KPTN: variants seen among roughly 807,000 people sequenced by gnomAD.
KPTN encodes kaptin, actin binding protein.
KPTN carries 36 observed loss-of-function variants against 52.6 expected under a neutral mutation model. The observed-to-expected ratio is 0.68, with a 90% CI of 0.52 to 0.90. The LOEUF (loss-of-function observed/expected upper bound fraction) is 0.90, where lower values mean the gene tolerates loss of function less well. KPTN is among the 40% of genes least tolerant of loss of function. The probability of loss-of-function intolerance (pLI) is 0.00; values close to 1 mark genes in which losing one functional copy is unlikely to be tolerated. For missense variants in KPTN, 529 were observed against 576.2 expected (o/e 0.92, Z 0.84); for synonymous variants, 271 against 248.4 (o/e 1.09, Z -0.85).
Position 47,483,370 on chromosome 19 carries a change from C to A in KPTN, c.319G>T (p.Asp107Tyr). The A allele has an allele frequency of 6.2e-7, 1 of 1,613,932 alleles. No individual in the cohort carries two copies. The highest frequency in any genetic ancestry group is 1.7e-5 in the Admixed American group (1 of 60,018). ...ATGTTCAGGAAGGGGCTGCCCTTGT[C>A]CCCTGAATCCTGGCGGAGGACACGG... The part of the protein sequence containing the change: ...VGITFIKDSG[D>Y]KGSPFLNIYC... The change falls in exon 3 of 12, where the codon GAC (aspartate) becomes TAC (tyrosine). Residue 107 changes from aspartate to tyrosine, a missense_variant. Physicochemically the swap from Asp to Tyr is radical, Grantham distance 160. Coordinates refer to ENST00000338134, the MANE Select transcript of KPTN (RefSeq NM_007059.4).
intron 9 of KPTN, 42 bp downstream of exon 9, chr19:47,477,664 A>G (rs1285019067): frequency 6.8e-7 from 1 of 1,468,774 alleles, no homozygotes; most frequent in East Asian, 2.3e-5. Flanking sequence ...CAGTGCAAAG[A>G]AAGAAGGTTA....
Position 47,484,053 on chromosome 19 carries a change from G to A in KPTN, c.108C>T (p.Gly36=), listed in dbSNP as rs1967987562. The A allele has an allele frequency of 6.2e-7, 1 of 1,610,646 alleles. No individual in the cohort carries two copies. Among genetic ancestry groups the A allele is most frequent in the Non-Finnish European group, 8.5e-7 (1 of 1,179,728 alleles). ...SNVYGLAGGA[G]GRGELLAATL... ...TGGCGGCCAGCAGCTCCCCGCGCCC[G>A]CCGGCGCCGCCTGCCAGCCCGTACA... The change falls in exon 1 of 12, where the codon GGC becomes GGT. Residue 36 remains glycine (G), a synonymous_variant. Transcript: ENST00000338134.
intron 9 of KPTN, 126 bp downstream of exon 9, chr19:47,477,580 G>C: frequency 3.1e-6 from 2 of 648,016 alleles, no homozygotes; most frequent in African/African-American, 1.8e-5. Context: ...CCTGGGTCAC[G>C]AGTATCTGTA....
chr19:47,484,080 A>G lies in KPTN; in HGVS notation c.81T>C (p.Asn27=). 1.2e-6 allele frequency: 2 copies of G among 1,609,312 alleles called. No individual in the cohort carries two copies. The highest frequency in any genetic ancestry group is 1.7e-6 in the Non-Finnish European group (2 of 1,179,800). The change falls in exon 1 of 12, where the codon AAT becomes AAC. Residue 27 remains asparagine (N), a synonymous_variant. Transcript: ENST00000338134. Reference sequence around the variant, plus strand: ...CGGCGCCGCCTGCCAGCCCGTACACATTGCTCTGCGACGAGAAGCGCGTGA... The same window carrying G: ...CGGCGCCGCCTGCCAGCCCGTACACGTTGCTCTGCGACGAGAAGCGCGTGA... The part of the protein sequence containing the change: ...DSFTRFSSQS[N]VYGLAGGAGG...
intron 4 of KPTN, among the ~76,000 whole-genome samples, chr19:47,482,903 C>T (rs978976544): frequency 2.6e-5 from 4 of 152,134 alleles, no homozygotes; most frequent in African/African-American, 7.2e-5. Flanking sequence ...GACGGGGTTT[C>T]GCCATGTTGG....
intron 4 of KPTN, chr19:47,481,508 T>A (rs1967877775): frequency 6.4e-6 from 1 of 156,936 alleles, no homozygotes; most frequent in South Asian, 1.9e-4. Flanking sequence ...ATTCACGGAA[T>A]GATAGAATAT....
intron 9 of KPTN, 86 bp from the exon 10 acceptor site, chr19:47,477,024 T>C: frequency 1.4e-6 from 2 of 1,389,502 alleles, no homozygotes; most frequent in Non-Finnish European, 2.0e-6. Context: ...GTACCGGTAC[T>C]GCTTCCCTTC....
Position 47,481,370 on chromosome 19 carries a change from C to G in KPTN, c.450-337G>C, listed in dbSNP as rs116327198. Among the ~76,000 whole-genome samples the G allele has an allele frequency of 1.4e-3, 219 of 152,306 alleles. 2 individuals are homozygous for G. Among genetic ancestry groups the G allele is most frequent in the African/African-American group, 4.9e-3 (205 of 41,564 alleles). On this transcript the variant is annotated intron_variant, in intron 4 of 11. Transcript: ENST00000338134. ...GGATTCAGGAATCGAATGTGGAACT[C>G]TAGAATGAACTGCAGAACCTTAGAA...
At chr19:47,484,388 G>A (rs886998449), upstream of KPTN, 8 of 586,550 alleles carry the variant, frequency 1.4e-5, no homozygotes, top group East Asian at 2.3e-4. Flanking sequence ...TTCCATTTCT[G>A]GACCAAGGGG....
chr19:47,479,949 A>G lies in KPTN; in HGVS notation c.710-9T>C. 6.2e-7 allele frequency: 1 copy of G among 1,608,266 alleles called. No individual in the cohort carries two copies. Among genetic ancestry groups the G allele is most frequent in the South Asian group, 1.1e-5 (1 of 90,512 alleles). ...CCACATCTGCAGAACCTCTGCGTGG[A>G]GAGCGAGGATTCAGAGCCCCAACCC... On this transcript the variant is annotated splice_polypyrimidine_tract_variant and intron_variant, in intron 7 of 11. Transcript: ENST00000338134.
In KPTN at chr19:47,484,039, A is replaced by G; in HGVS notation, c.122T>C (p.Leu41Pro). Residue 41 changes from leucine to proline, a missense_variant, in exon 1 of 12, where the codon CTG becomes CCG. Coordinates refer to ENST00000338134, the MANE Select transcript of KPTN (RefSeq NM_007059.4). ...CTTGCCTTTAAGGGTGGCGGCCAGC[A>G]GCTCCCCGCGCCCGCCGGCGCCGCC... The part of the protein sequence containing the change: ...LAGGAGGRGE[L>P]LAATLKGKVL... The G allele has an allele frequency of 6.2e-7, 1 of 1,611,654 alleles. No homozygotes were observed. The highest frequency in any genetic ancestry group is 8.5e-7 in the Non-Finnish European group (1 of 1,179,872).
chr19:47,476,547 G>A lies in KPTN; in HGVS notation c.1167C>T (p.Gly389=), dbSNP rs562237338. The part of the protein sequence containing the change: ...LQELAVVSLK[G]VHILQHSLIQ... The stretch of plus-strand genomic sequence containing the variant: ...CTGGGGATACCTGCAGGATGTGCAC[G>A]CCCTTCAGGGAGACCACGGCAAGCT... Residue 389 remains glycine (G), a synonymous_variant, in exon 11 of 12, where the codon GGC becomes GGT. Transcript: ENST00000338134. 3.0e-5 allele frequency: 49 copies of A among 1,607,662 alleles called. No homozygotes were observed. In the South Asian group the frequency reaches 3.5e-4, roughly 12 times the overall value.
chr19:47,480,259 T>G, intron 7 of KPTN, 39 bp downstream of exon 7: 5 of 387,914 alleles, frequency 1.3e-5, no homozygotes, highest in Non-Finnish European at 2.1e-5. Flanking sequence ...CCTCTAGCCC[T>G]CAACCCCACC....
At chr19:47,483,670 A>G in intron 1 of KPTN, 86 bp from the exon 2 acceptor site, 1 of 1,060,888 alleles carries the variant, frequency 9.4e-7, no homozygotes, top group Non-Finnish European at 1.4e-6. Flanking sequence ...TACCGCAATG[A>G]TCATGCCCTC....
In KPTN at chr19:47,483,806, C is replaced by A. The variant is rs1251991754; in HGVS notation, c.226+129G>T. 6 of 1,306,270 alleles carry A rather than the reference C, an allele frequency of 4.6e-6. No individual in the cohort carries two copies. In the East Asian group the frequency reaches 1.3e-4, roughly 27 times the overall value. The allele number at this position is 1,306,270 out of a possible 1,614,324, so 80.9% of individuals were successfully genotyped here. A position where few individuals can be genotyped will look rare whatever the true frequency, so the allele number is the denominator to read the frequency against. On this transcript the variant is annotated intron_variant, in intron 1 of 11. Transcript: ENST00000338134. The stretch of plus-strand genomic sequence containing the variant: ...GCCCCAACTATGCCTGCCCGCTGAT[C>A]CCAGTGACCCCCTTAAAACCACCTG...
chr19:47,483,850 G>A (rs1361960269), intron 1 of KPTN, 85 bp downstream of exon 1: 17 of 1,558,394 alleles, frequency 1.1e-5, no homozygotes, highest in African/African-American at 1.4e-5. Flanking sequence ...CTTCCAGCAC[G>A]GTGACCCGGC....
chr19:47,478,567 T>A (rs1471425096), intron 8 of KPTN, among the ~76,000 whole-genome samples: 12 of 66,230 alleles, frequency 1.8e-4, no homozygotes, highest in East Asian at 5.8e-4. Flanking sequence ...AGACTCTGTC[T>A]AAAAAAAAAA....
intron 4 of KPTN, 51 bp from the exon 5 acceptor site, chr19:47,481,084 A>G (rs971487432): frequency 7.0e-7 from 1 of 1,424,686 alleles, no homozygotes; most frequent in Non-Finnish European, 9.7e-7. Context: ...ACATGGTCTG[A>G]GAACCAGAAC....
intron 2 of KPTN, 46 bp downstream of exon 2, chr19:47,483,456 G>C (rs1020688203): frequency 1.3e-6 from 2 of 1,593,308 alleles, no homozygotes; most frequent in African/African-American, 1.3e-5. Context: ...AACTCACCAT[G>C]TGTGTAAGGA....
Sources: allele counts gnomAD v4.1 joint callset (sites outside exome capture counted in the v4.1 genomes callset), GRCh38; gene constraint gnomAD v4.1.1; transcripts MANE v1.5; gene names NCBI Gene and HGNC (gene_info 2026-07-23, HGNC 2026-07-21).